Variants in LINGO2 observed in about 807,000 individuals in gnomAD.
LINGO2 encodes the protein leucine rich repeat and Ig domain containing 2.
Under a neutral mutation model 30.6 loss-of-function variants are expected in LINGO2, and 14 were observed. The observed-to-expected ratio is 0.46, with a 90% confidence interval of 0.30 to 0.72. LINGO2 has a LOEUF of 0.72. LINGO2 is among the 30% of genes least tolerant of loss of function. The pLI is 0.07. For synonymous variants in LINGO2, 317 were observed against 288.5 expected (o/e 1.10, Z -1.00); for missense variants, 729 against 751.7 (o/e 0.97, Z 0.35).
chr9:27,966,970 C>T (rs142639054), intron 5 of LINGO2, among the ~76,000 whole-genome samples: 115 of 152,170 alleles, frequency 7.6e-4, no homozygotes, highest in African/African-American at 2.7e-3. Context: ...TCAATTTTAT[C>T]GATTGTTCCA....
the LINGO2 span, among the ~76,000 whole-genome samples, chr9:29,168,327 T>G: frequency 6.6e-6 from 1 of 152,272 alleles, no homozygotes; most frequent in Middle Eastern, 3.4e-3. Flanking sequence ...GACTATTATT[T>G]CCCTATTTGT....
intron 1 of LINGO2, among the ~76,000 whole-genome samples, chr9:28,643,226 G>A (rs1040186117): frequency 2.0e-5 from 3 of 151,946 alleles, no homozygotes; most frequent in Non-Finnish European, 4.4e-5. Context: ...ACCCAGAAGA[G>A]CCACAGCTAT....
At chr9:28,044,608 A>G (rs1325023531) in intron 4 of LINGO2, among the ~76,000 whole-genome samples, 3 of 152,156 alleles carry the variant, frequency 2.0e-5, no homozygotes, top group Non-Finnish European at 4.4e-5. Context: ...GGTTGACAGA[A>G]AAAACACAGG....
chr9:29,143,532 A>G, the LINGO2 span, among the ~76,000 whole-genome samples: 4 of 152,282 alleles, frequency 2.6e-5, no homozygotes, highest in East Asian at 5.8e-4. Flanking sequence ...ATACTCTTAG[A>G]CAAAGGTACC....
downstream of LINGO2, among the ~76,000 whole-genome samples, chr9:27,946,077 G>T (rs190376263): frequency 6.6e-6 from 1 of 152,108 alleles, no homozygotes; most frequent in Non-Finnish European, 1.5e-5. Flanking sequence ...TAGACCAACC[G>T]GGGTTCTATG....
At chr9:28,275,367 C>T (rs1446520883) in intron 4 of LINGO2, among the ~76,000 whole-genome samples, 1 of 152,094 alleles carries the variant, frequency 6.6e-6, no homozygotes, top group Non-Finnish European at 1.5e-5. Flanking sequence ...GCCACCACAC[C>T]CGGCCCTAAA....
rs576409262 is a variant in LINGO2, at chr9:28,117,211, G to A, written c.-86-104806C>T. On this transcript the variant is annotated intron_variant, in intron 4 of 5. Transcript: ENST00000379992. The stretch of plus-strand genomic sequence containing the variant: ...TGCCCCTGGTGGGGGGTGCCTCCCA[G>A]TTAGGCTGCCCGGGGTTCAGGGGTC... 2.9e-3 allele frequency among the ~76,000 whole-genome samples: 438 copies of A among 152,122 alleles called. 2 individuals are homozygous for A. The highest frequency in any genetic ancestry group is 4.8e-3 in the South Asian group (23 of 4,824).
chr9:28,823,896 T>C, the LINGO2 span, among the ~76,000 whole-genome samples: 1 of 152,196 alleles, frequency 6.6e-6, no homozygotes, highest in Non-Finnish European at 1.5e-5. Flanking sequence ...CAGGTATATA[T>C]ATTGACTTCA....
At chr9:29,036,584 G>A in the LINGO2 span, among the ~76,000 whole-genome samples, 9 of 152,114 alleles carry the variant, frequency 5.9e-5, no homozygotes, top group East Asian at 1.7e-3. Context: ...AATACAGTCT[G>A]TATTCAACAT....
rs12006445 is a variant in LINGO2 at position 28,526,468 on chromosome 9, C to G, written c.-364-50443G>C. 4.4e-3 allele frequency among the ~76,000 whole-genome samples: 667 copies of G among 152,302 alleles called. 4 individuals are homozygous for G. The highest frequency in any genetic ancestry group is 0.012 in the African/African-American group (492 of 41,558). ...ATTAGCCTTTCTGGCACTTCTGAAA[C>G]TAGGTTTTCAGTTTTCCAAAATGTT... is the stretch of plus-strand genomic sequence containing the variant. On this transcript the variant is annotated intron_variant, in intron 1 of 5. Transcript: ENST00000379992.
the LINGO2 span, among the ~76,000 whole-genome samples, chr9:29,060,081 C>T: frequency 6.6e-6 from 1 of 152,016 alleles, no homozygotes; most frequent in African/African-American, 2.4e-5. Flanking sequence ...GAATGACTCA[C>T]AAGTAATTGA....
intron 1 of LINGO2, among the ~76,000 whole-genome samples, chr9:28,528,760 GGT>G (rs113637611): frequency 0.069 from 10,328 of 150,178 alleles, 559 homozygotes; most frequent in African/African-American, 0.15. Flanking sequence ...CTGCAGCAAA[GGT>G]GTGTGTGTGT....
At chr9:28,392,347 C>A (rs1587603073) in intron 2 of LINGO2, among the ~76,000 whole-genome samples, 1 of 152,124 alleles carries the variant, frequency 6.6e-6, no homozygotes, top group East Asian at 1.9e-4. Context: ...ACACCTTTAC[C>A]CTGGCTTTGG....
intron 4 of LINGO2, among the ~76,000 whole-genome samples, chr9:28,211,302 T>C (rs916758276): frequency 4.6e-5 from 7 of 151,404 alleles, no homozygotes; most frequent in African/African-American, 1.7e-4. Context: ...TTTTTTTTTT[T>C]TTAGTTTGAG....
At chr9:28,133,152 A>T (rs1323307765) in intron 4 of LINGO2, among the ~76,000 whole-genome samples, 1 of 152,228 alleles carries the variant, frequency 6.6e-6, no homozygotes, top group African/African-American at 2.4e-5. Context: ...AAGAAAGCTG[A>T]GACTGTCCTA....
chr9:28,728,408 TG>T, the LINGO2 span, among the ~76,000 whole-genome samples: 3 of 147,696 alleles, frequency 2.0e-5, no homozygotes, highest in East Asian at 4.0e-4. Context: ...AAATTGCAAA[TG>T]AAAAAAAAGA....
At chr9:29,195,937 G>C in the LINGO2 span, among the ~76,000 whole-genome samples, 1 of 152,054 alleles carries the variant, frequency 6.6e-6, no homozygotes, top group Non-Finnish European at 1.5e-5. Context: ...CCTGCATCTA[G>C]AATGGTACTA....
the LINGO2 span, among the ~76,000 whole-genome samples, chr9:29,158,629 C>A: frequency 6.6e-6 from 1 of 152,064 alleles, no homozygotes; most frequent in Non-Finnish European, 1.5e-5. Flanking sequence ...AGAAAAGAAC[C>A]CGGCAGTGGG....
intron 3 of LINGO2, among the ~76,000 whole-genome samples, chr9:28,350,326 C>G (rs2134439497): frequency 1.4e-5 from 2 of 142,080 alleles, no homozygotes; most frequent in South Asian, 4.8e-4. Flanking sequence ...CAATGGAAAA[C>G]AAAAGAAGGC....
Sources: allele counts gnomAD v4.1 joint callset (sites outside exome capture counted in the v4.1 genomes callset), GRCh38; gene constraint gnomAD v4.1.1; transcripts MANE v1.5; gene names NCBI Gene and HGNC (gene_info 2026-07-23, HGNC 2026-07-21).